Variants in CACNA2D3 observed in about 807,000 individuals in gnomAD.
CACNA2D3 encodes calcium voltage-gated channel auxiliary subunit alpha2delta 3.
In CACNA2D3, 60 loss-of-function variants were observed where a neutral mutation model predicts 160.6. The observed-to-expected ratio is 0.37, with a 90% CI of 0.30 to 0.46. The LOEUF is 0.46. Ranked by LOEUF, CACNA2D3 falls within the 20% of genes least tolerant of loss-of-function variation. The pLI, the probability that CACNA2D3 is intolerant of heterozygous loss-of-function variation, is 1.00. For synonymous variants in CACNA2D3, 558 were observed against 492.9 expected, an observed-to-expected ratio of 1.13 and a Z score of -1.75; for missense variants, 1,205 against 1,365.0, an observed-to-expected ratio of 0.88 and a Z score of 1.85.
chr3:55,018,020 T>C (rs1401073613), intron 34 of CACNA2D3, among the ~76,000 whole-genome samples, 186 bp from the exon 35 acceptor site: 2 of 152,186 alleles, frequency 1.3e-5, no homozygotes, highest in Non-Finnish European at 2.9e-5. Context: ...GGAGGAATTA[T>C]AGCTTATAGA....
At chr3:54,929,439 G>C (rs886685637) in intron 27 of CACNA2D3, among the ~76,000 whole-genome samples, 2 of 152,190 alleles carry the variant, frequency 1.3e-5, no homozygotes, top group African/African-American at 4.8e-5. Flanking sequence ...CACTCTGCAG[G>C]TACAAAGGGA....
At chr3:54,572,052 G>A (rs1702507158) in intron 8 of CACNA2D3, among the ~76,000 whole-genome samples, 1 of 146,056 alleles carries the variant, frequency 6.8e-6, no homozygotes, top group Non-Finnish European at 1.5e-5. Flanking sequence ...TGTCATGGAT[G>A]GAGCCTTATG....
chr3:55,013,535 T>C (rs969943729), intron 34 of CACNA2D3, among the ~76,000 whole-genome samples: 1 of 152,228 alleles, frequency 6.6e-6, no homozygotes, highest in Non-Finnish European at 1.5e-5. Flanking sequence ...AGGCACCATA[T>C]GCTATTGGCT....
At chr3:54,804,714 A>G (rs943673363) in intron 13 of CACNA2D3, among the ~76,000 whole-genome samples, 21 of 152,230 alleles carry the variant, frequency 1.4e-4, no homozygotes, top group Non-Finnish European at 2.8e-4. Context: ...ATAGATATCT[A>G]CAGAACTCTC....
At chr3:54,589,581 C>T (rs1702823518) in intron 9 of CACNA2D3, among the ~76,000 whole-genome samples, 1 of 151,860 alleles carries the variant, frequency 6.6e-6, no homozygotes, top group South Asian at 2.1e-4. Flanking sequence ...AAACCTTTTG[C>T]TATGTGAAAG....
At chr3:54,279,055 C>T (rs796502041) in intron 2 of CACNA2D3, among the ~76,000 whole-genome samples, 22 of 152,292 alleles carry the variant, frequency 1.4e-4, no homozygotes, top group African/African-American at 4.1e-4. Context: ...TTAATGTACA[C>T]GGATCCTGCG....
rs116453362 is a variant in CACNA2D3, at chr3:54,307,784, C to G, written c.205-12658C>G. Among the ~76,000 whole-genome samples the G allele has an allele frequency of 8.4e-3, 1,276 of 152,246 alleles. 8 individuals are homozygous for G. Among genetic ancestry groups the G allele is most frequent in the Middle Eastern group, 0.017 (5 of 294 alleles). On this transcript the variant is annotated intron_variant, in intron 2 of 37. Transcript: ENST00000474759. Reference sequence around the variant, plus strand: ...TGCAGACTCATTCATTGATGGCCTTCGATTTCCAGGACATCTTGGATATAG... The same window carrying G: ...TGCAGACTCATTCATTGATGGCCTTGGATTTCCAGGACATCTTGGATATAG...
At chr3:54,265,820 A>C (rs1002321312) in intron 2 of CACNA2D3, among the ~76,000 whole-genome samples, 7 of 151,018 alleles carry the variant, frequency 4.6e-5, no homozygotes, top group Non-Finnish European at 1.0e-4. Flanking sequence ...TTTTCTCTCC[A>C]GTTAGAACCC....
chr3:54,595,323 T>G (rs1055270348), intron 9 of CACNA2D3, among the ~76,000 whole-genome samples: 3 of 150,030 alleles, frequency 2.0e-5, no homozygotes, highest in Admixed American at 2.0e-4. Flanking sequence ...GGTGTGTGTG[T>G]GTGTGTGTGT....
chr3:54,578,861 A>G (rs1353147281), intron 8 of CACNA2D3, among the ~76,000 whole-genome samples: 1 of 152,206 alleles, frequency 6.6e-6, no homozygotes, highest in Non-Finnish European at 1.5e-5. Flanking sequence ...ATAGACTTTT[A>G]TATTAGCAAG....
intron 2 of CACNA2D3, among the ~76,000 whole-genome samples, chr3:54,281,005 T>G (rs1314169560): frequency 6.6e-6 from 1 of 152,194 alleles, no homozygotes. Flanking sequence ...GCTATACTGT[T>G]TATTCCTCTG....
intron 11 of CACNA2D3, among the ~76,000 whole-genome samples, chr3:54,704,850 C>T (rs1414942907): frequency 1.3e-5 from 2 of 152,128 alleles, no homozygotes; most frequent in African/African-American, 4.8e-5. Context: ...CTACCCAACA[C>T]CATTACTTCC....
intron 4 of CACNA2D3, among the ~76,000 whole-genome samples, chr3:54,463,822 G>A (rs541010664): frequency 1.2e-4 from 18 of 152,316 alleles, no homozygotes; most frequent in East Asian, 3.9e-4. Context: ...GAGGAACTGC[G>A]TTCTTTTGGA....
intron 11 of CACNA2D3, among the ~76,000 whole-genome samples, chr3:54,718,416 G>C (rs1575439003): frequency 1.3e-5 from 2 of 152,084 alleles, no homozygotes; most frequent in African/African-American, 4.8e-5. Flanking sequence ...ATTAATTATG[G>C]CTTATTTTTC....
chr3:54,428,597 C>G (rs779269940), intron 4 of CACNA2D3, among the ~76,000 whole-genome samples: 2 of 149,806 alleles, frequency 1.3e-5, no homozygotes, highest in Non-Finnish European at 3.0e-5. Context: ...TTTTTTTCAC[C>G]TTTTACTTTT....
chr3:54,439,056 T>C (rs2106789882), intron 4 of CACNA2D3, among the ~76,000 whole-genome samples: 1 of 152,296 alleles, frequency 6.6e-6, no homozygotes, highest in South Asian at 2.1e-4. Context: ...CCTGCCATTT[T>C]GAGAAACCTT....
At chr3:54,879,455 G>C (rs1194691677) in intron 20 of CACNA2D3, 44 bp downstream of exon 20, 1 of 1,402,422 alleles carries the variant, frequency 7.1e-7, no homozygotes, top group Non-Finnish European at 1.0e-6. Context: ...AGACCCATCA[G>C]TTGTGTTTGT....
chr3:54,131,159 A>G (rs1363021089), intron 2 of CACNA2D3, among the ~76,000 whole-genome samples: 1 of 152,208 alleles, frequency 6.6e-6, no homozygotes, highest in African/African-American at 2.4e-5. Context: ...GGCTGCATAC[A>G]TACATGTGTA....
chr3:54,988,322 T>C (rs1328161208), intron 31 of CACNA2D3, among the ~76,000 whole-genome samples: 1 of 152,222 alleles, frequency 6.6e-6, no homozygotes, highest in Non-Finnish European at 1.5e-5. Flanking sequence ...GTGTAAGAAC[T>C]CTCGCTGATC....
Sources: gnomAD v4.1 joint callset for allele counts (sites outside exome capture counted in the v4.1 genomes callset) on GRCh38, gnomAD v4.1.1 for gene constraint, MANE v1.5 for transcripts, NCBI Gene and HGNC (gene_info 2026-07-23, HGNC 2026-07-21) for gene names.